The following C3orf38 variants were observed in gnomAD, a reference collection of about 807,000 sequenced individuals.
C3orf38 encodes the protein uncharacterized protein C3orf38.
Under a neutral mutation model 28.3 loss-of-function variants are expected in C3orf38, and 18 were observed. That is an observed-to-expected ratio of 0.64 (90% CI 0.44 to 0.94). The LOEUF (loss-of-function observed/expected upper bound fraction) is 0.94, where lower values mean the gene tolerates loss of function less well. C3orf38 is among the 40% of genes least tolerant of loss of function. The probability of loss-of-function intolerance (pLI) is 0.00; values close to 1 mark genes in which losing one functional copy is unlikely to be tolerated. For synonymous variants in C3orf38, 145 were observed against 138.1 expected (o/e 1.05, Z -0.35); for missense variants, 364 against 396.4 (o/e 0.92, Z 0.69).
Position 88,156,026 on chromosome 3 carries a change from G to C in C3orf38, c.381G>C (p.Val127=), listed in dbSNP as rs765557912. The change falls in exon 3 of 3, where the codon GTG becomes GTC. Residue 127 remains valine (V), a synonymous_variant. Transcript: ENST00000318887. ...TEDIHLFQQQ[V]KEDKKAEKVD... Reference sequence around the variant, plus strand: ...ATTTTATTTGTTTCAATCAGCAGGTGAAAGAAGATAAAAAAGCTGAAAAAG... The same window carrying C: ...ATTTTATTTGTTTCAATCAGCAGGTCAAAGAAGATAAAAAAGCTGAAAAAG... 1.3e-6 allele frequency: 2 copies of C among 1,534,038 alleles called. No homozygotes were observed. Among genetic ancestry groups the C allele is most frequent in the African/African-American group, 2.8e-5 (2 of 72,004 alleles).
chr3:88,152,447 C>T (rs1707426552), intron 1 of C3orf38, among the ~76,000 whole-genome samples: 1 of 151,118 alleles, frequency 6.6e-6, no homozygotes, highest in African/African-American at 2.4e-5. Context: ...GATACAAGCC[C>T]TGGTTCTGCC....
chr3:88,153,259 C>G lies in C3orf38; in HGVS notation c.163C>G (p.Gln55Glu). 1 of 1,613,380 alleles carries G rather than the reference C, an allele frequency of 6.2e-7. No homozygotes were observed. ...DAVHAILAYS[Q>E]SAEELLRRRK... The stretch of plus-strand genomic sequence containing the variant: ...TGTTCATGCAATATTAGCATACAGT[C>G]AAAGTGCAGAAGAACTTCTGAGGCG... The change falls in exon 2 of 3, where the codon CAA (glutamine) becomes GAA (glutamate). Residue 55 changes from glutamine (Q) to glutamate (E), a missense_variant. Transcript: ENST00000318887.
intron 1 of C3orf38, among the ~76,000 whole-genome samples, chr3:88,152,784 A>G (rs930542669): frequency 6.6e-6 from 1 of 151,492 alleles, no homozygotes; most frequent in Non-Finnish European, 1.5e-5. Context: ...AAATACAATC[A>G]TTGATACCTA....
At chr3:88,150,268 T>C (rs1707389054) in intron 1 of C3orf38, 83 bp downstream of exon 1, 3 of 1,520,480 alleles carry the variant, frequency 2.0e-6, no homozygotes, top group Admixed American at 3.7e-5. Flanking sequence ...TCCTCGGGAA[T>C]GTTGGCCGCA....
rs753043969 is a variant in C3orf38 at position 88,156,638 on chromosome 3, T to C, written c.*3T>C. ...GTGGAACTGGGGACCAAGTTTGAGG[T>C]AGTGGAAATGAGACATTGCTGAACA... On this transcript the variant is annotated 3_prime_UTR_variant, in exon 3 of 3. Transcript: ENST00000318887. The C allele has an allele frequency of 4.1e-5, 66 of 1,606,546 alleles. No homozygotes were observed. Among genetic ancestry groups the C allele is most frequent in the Middle Eastern group, 2.1e-4 (1 of 4,666 alleles).
chr3:88,153,271 G>A lies in C3orf38; in HGVS notation c.175G>A (p.Glu59Lys). The change falls in exon 2 of 3, where the codon GAA (glutamate) becomes AAA (lysine). Residue 59 changes from glutamate to lysine, a missense_variant. By Grantham distance (56) the Glu-to-Lys change is moderately conservative. Transcript: ENST00000318887. ...ATTAGCATACAGTCAAAGTGCAGAA[G>A]AACTTCTGAGGCGTAGAAAAGTCCA... ...AILAYSQSAE[E>K]LLRRRKVHRE... 1.2e-6 allele frequency: 2 copies of A among 1,613,704 alleles called. No homozygotes were observed. Among genetic ancestry groups the A allele is most frequent in the Non-Finnish European group, 1.7e-6 (2 of 1,179,816 alleles).
At chr3:88,152,095 C>G (rs1270681991) in intron 1 of C3orf38, among the ~76,000 whole-genome samples, 1 of 152,122 alleles carries the variant, frequency 6.6e-6, no homozygotes, top group East Asian at 1.9e-4. Context: ...TCACACATGT[C>G]AGAAATATTC....
chr3:88,152,061 C>T (rs550463819), intron 1 of C3orf38, among the ~76,000 whole-genome samples: 3 of 152,072 alleles, frequency 2.0e-5, no homozygotes, highest in African/African-American at 2.4e-5. Flanking sequence ...TATGGGAGTT[C>T]GTTTTATTGC....
intron 1 of C3orf38, among the ~76,000 whole-genome samples, chr3:88,152,243 C>T (rs1707423966): frequency 6.6e-6 from 1 of 151,268 alleles, no homozygotes; most frequent in African/African-American, 2.4e-5. Context: ...TGGTGAAACC[C>T]CGTCTCTACT....
rs539228939 is a variant in C3orf38, at chr3:88,152,485, G to A, written c.134-745G>A. 3.1e-3 allele frequency among the ~76,000 whole-genome samples: 460 copies of A among 150,476 alleles called. 3 individuals carry two copies. The highest frequency in any genetic ancestry group is 0.011 in the African/African-American group (439 of 41,018). On this transcript the variant is annotated intron_variant, in intron 1 of 2. Transcript: ENST00000318887. ...TTTCTAGAAATACAATAGTTGGGCCGGGCTTGGTGACTCACACCTGTAATC... is the reference window on the plus strand; with the variant it reads ...TTTCTAGAAATACAATAGTTGGGCCAGGCTTGGTGACTCACACCTGTAATC...
intron 1 of C3orf38, among the ~76,000 whole-genome samples, chr3:88,151,777 A>G (rs1018251224): frequency 2.6e-5 from 4 of 152,236 alleles, no homozygotes; most frequent in Non-Finnish European, 4.4e-5. Context: ...AAATTAATCC[A>G]GAAAATATTG....
intron 1 of C3orf38, 91 bp downstream of exon 1, chr3:88,150,276 G>T: frequency 6.8e-7 from 1 of 1,465,354 alleles, no homozygotes; most frequent in African/African-American, 1.4e-5. Flanking sequence ...AATGTTGGCC[G>T]CAGCCGCAGA....
chr3:88,150,191 G>A lies in C3orf38; in HGVS notation c.133+6G>A. 1 of 1,613,750 alleles carries A rather than the reference G, an allele frequency of 6.2e-7. No homozygotes were observed. The highest frequency in any genetic ancestry group is 8.5e-7 in the Non-Finnish European group (1 of 1,179,978). On this transcript the variant is annotated splice_donor_region_variant and intron_variant, in intron 1 of 2. Transcript: ENST00000318887. The stretch of plus-strand genomic sequence containing the variant: ...GCAGCCTCAGGACCGCCAAGGTAAG[G>A]GCGGACCCTTCACCTAGAAGGCTGC...
rs1559746693 is a variant in C3orf38 at position 88,156,073 on chromosome 3, A to C, written c.428A>C (p.Glu143Ala). 6.4e-7 allele frequency: 1 copy of C among 1,571,652 alleles called. No individual in the cohort carries two copies. Among genetic ancestry groups the C allele is most frequent in the Non-Finnish European group, 8.6e-7 (1 of 1,162,394 alleles). Residue 143 changes from glutamate (E) to alanine (A), a missense_variant, in exon 3 of 3, where the codon GAA (glutamate) becomes GCA (alanine). Physicochemically the swap from Glu to Ala is moderately radical, Grantham distance 107. Coordinates refer to ENST00000318887, the MANE Select transcript of C3orf38 (RefSeq NM_173824.4). ...AEKVDFRRLG[E>A]EFCHWFFGLL... ...AAAGTTGATTTTCGTCGCCTAGGAG[A>C]AGAATTCTGTCATTGGTTCTTTGGA...
chr3:88,152,890 G>A (rs1196201692), intron 1 of C3orf38, among the ~76,000 whole-genome samples: 1 of 152,084 alleles, frequency 6.6e-6, no homozygotes, highest in Non-Finnish European at 1.5e-5. Context: ...ATTTTTAGAG[G>A]TTGTGCATGA....
rs768634121 is a variant in C3orf38, at chr3:88,150,012, G to T, written c.-41G>T. 1.3e-5 allele frequency: 21 copies of T among 1,607,670 alleles called. No individual in the cohort carries two copies. The South Asian group carries it at 2.3e-4, about 18-fold the overall frequency. ...AGGCGCGGGCCCAGTGGGCCGTAGG[G>T]GCGACATTGTTGCCGTTGTCTTTCC... On this transcript the variant is annotated 5_prime_UTR_variant, in exon 1 of 3. Transcript: ENST00000318887.
At position 88,152,190 on chromosome 3, in the gene C3orf38, C is replaced by T. The variant is rs747675492; in HGVS notation, c.134-1040C>T. On this transcript the variant is annotated intron_variant, in intron 1 of 2. Coordinates refer to ENST00000318887, the MANE Select transcript of C3orf38 (RefSeq NM_173824.4). ...CAGCACTTTGGGAGGCCGAGGCAAG[C>T]GGATCATCTGAGGTCAGGAGTTCAA... 4.1e-4 allele frequency among the ~76,000 whole-genome samples: 62 copies of T among 151,856 alleles called. 1 individual carries two copies. Among genetic ancestry groups the T allele is most frequent in the Middle Eastern group, 3.4e-3 (1 of 294 alleles).
At chr3:88,151,582 G>A (rs531834988) in intron 1 of C3orf38, among the ~76,000 whole-genome samples, 1 of 152,236 alleles carries the variant, frequency 6.6e-6, no homozygotes, top group African/African-American at 2.4e-5. Context: ...CAAGCTCCAG[G>A]TTGATGCTCA....
intron 1 of C3orf38, among the ~76,000 whole-genome samples, chr3:88,151,642 A>G (rs1204521853): frequency 1.3e-5 from 2 of 152,180 alleles, no homozygotes; most frequent in Non-Finnish European, 2.9e-5. Context: ...AGAATGTTCA[A>G]AGTAACAGCG....
Sources: allele counts gnomAD v4.1 joint callset (sites outside exome capture counted in the v4.1 genomes callset), GRCh38; gene constraint gnomAD v4.1.1; transcripts MANE v1.5; gene names NCBI Gene and HGNC (gene_info 2026-07-23, HGNC 2026-07-21).